The following LRATD1 variants were observed in gnomAD, a reference collection of about 807,000 sequenced individuals.
LRATD1 encodes the protein LRAT domain containing 1, also known as protein LRATD1.
Under a neutral mutation model 21.3 loss-of-function variants are expected in LRATD1, and 8 were observed. That is an observed-to-expected ratio of 0.38 (90% CI 0.22 to 0.68). The LOEUF is 0.68. Ranked by LOEUF, LRATD1 falls within the 30% of genes least tolerant of loss-of-function variation. The pLI is 0.54. For synonymous variants in LRATD1, 210 were observed against 186.2 expected, an observed-to-expected ratio of 1.13 and a Z score of -1.04; for missense variants, 380 against 404.0, an observed-to-expected ratio of 0.94 and a Z score of 0.51.
At chr2:14,646,460 T>C (rs1239732935) in exon 4 of LRATD1, 1 of 152,084 alleles carries the variant, frequency 6.6e-6, no homozygotes, top group Admixed American at 6.6e-5. Context: ...TAACCAGGGG[T>C]CCAAGGTAAT....
At chr2:14,651,679 G>A (rs544667499), downstream of LRATD1, among the ~76,000 whole-genome samples, 510 of 152,058 alleles carry the variant, frequency 3.4e-3, 3 homozygotes, top group African/African-American at 0.011. Flanking sequence ...AGTCATTTGC[G>A]TTTCTCTAAT....
At chr2:14,649,463 G>A (rs1393000261) in intron 5 of LRATD1, 3 of 434,116 alleles carry the variant, frequency 6.9e-6, no homozygotes, top group Non-Finnish European at 1.4e-5. Flanking sequence ...GGTAAGGTGA[G>A]AAGCAATTCC....
downstream of LRATD1, among the ~76,000 whole-genome samples, chr2:14,643,686 C>A (rs2103412595): frequency 6.6e-6 from 1 of 152,334 alleles, no homozygotes; most frequent in African/African-American, 2.4e-5. Flanking sequence ...TGAAGCTTCT[C>A]CTTTTCCTAC....
rs74742552 is a variant in LRATD1, at chr2:14,633,251, G to T, written c.-37+314G>T. On this transcript the variant is annotated intron_variant, in intron 1 of 1. Coordinates refer to ENST00000295092, the MANE Select transcript of LRATD1 (RefSeq NM_145175.4). The surrounding 1 kb of genome is among the most constrained non-coding windows in gnomAD (Gnocchi z 7.5). ...GGCAGGTGTGCCCGGGTGCTTGGGC[G>T]TACGTGCAACGGCGAGCGTGCAAGC... Among the ~76,000 whole-genome samples the T allele has an allele frequency of 0.078, 11,815 of 152,258 alleles. 544 individuals are homozygous for T. Among genetic ancestry groups the T allele is most frequent in the East Asian group, 0.2 (1,046 of 5,140 alleles).
Position 14,637,746 on chromosome 2 carries a change from G to A in LRATD1, c.*2888G>A, listed in dbSNP as rs762583545. 8 of 167,080 alleles carry A rather than the reference G, an allele frequency of 4.8e-5. No individual in the cohort carries two copies. The highest frequency in any genetic ancestry group is 8.8e-5 in the Non-Finnish European group (6 of 68,106). The allele number at this position is 167,080 out of a possible 1,614,324, so 10.3% of individuals were successfully genotyped here. ...TTTTAGGGCACTGTTAACAATGCGA[G>A]TGAAACCAAGATGGTGCAAGTTCCC... On this transcript the variant is annotated 3_prime_UTR_variant, in exon 2 of 2. Transcript: ENST00000295092.
Position 14,637,582 on chromosome 2 carries a change from C to A in LRATD1, c.*2724C>A, listed in dbSNP as rs1027958803. On this transcript the variant is annotated 3_prime_UTR_variant, in exon 2 of 2. Coordinates refer to ENST00000295092, the MANE Select transcript of LRATD1 (RefSeq NM_145175.4). ...AAGGTTTGCAAGGTTTCTCCTATCC[C>A]TGTTAAAATTATCATTTATTATCTC... The A allele has an allele frequency of 6.0e-6, 1 of 167,092 alleles. No individual in the cohort carries two copies. Among genetic ancestry groups the A allele is most frequent in the African/African-American group, 2.4e-5 (1 of 41,528 alleles). 10.4% of individuals were successfully genotyped at this position (167,092 alleles called of 1,614,324 possible). A position where few individuals can be genotyped will look rare whatever the true frequency, so the allele number is the denominator to read the frequency against.
rs1671622790 is a variant in LRATD1, at chr2:14,634,172, C to T, written c.193C>T (p.Pro65Ser). 4.3e-6 allele frequency: 7 copies of T among 1,613,432 alleles called. No homozygotes were observed. Among genetic ancestry groups the T allele is most frequent in the African/African-American group, 1.3e-5 (1 of 75,044 alleles). Residue 65 changes from proline (P) to serine (S), a missense_variant, in exon 2 of 2, where the codon CCG becomes TCG. Coordinates refer to ENST00000295092, the MANE Select transcript of LRATD1 (RefSeq NM_145175.4). ...GGCCCCCCCGGGTTGCACCCCCTGC[C>T]CGGAGAGCCCCAGCCGCCACCACCA... ...VKAPPGCTPC[P>S]ESPSRHHHHL...
rs1671643039 is a variant in LRATD1 at position 14,634,744 on chromosome 2, C to T, written c.765C>T (p.His255=). 1 of 1,571,622 alleles carries T rather than the reference C, an allele frequency of 6.4e-7. No individual in the cohort carries two copies. Among genetic ancestry groups the T allele is most frequent in the African/African-American group, 1.4e-5 (1 of 73,650 alleles). The part of the protein sequence containing the change: ...LKVHLGENKV[H]TARFHSLEDL... ...TGCACCTGGGAGAGAACAAGGTCCA[C>T]ACCGCCAGGTTTCACAGCCTGGAAG... is the stretch of plus-strand genomic sequence containing the variant. The change falls in exon 2 of 2, where the codon CAC becomes CAT. Residue 255 remains histidine (H), a synonymous_variant. Coordinates refer to ENST00000295092, the MANE Select transcript of LRATD1 (RefSeq NM_145175.4).
At chr2:14,646,279 A>G (rs1277101878) in intron 3 of LRATD1, 2 of 152,218 alleles carry the variant, frequency 1.3e-5, no homozygotes, top group Non-Finnish European at 2.9e-5. Context: ...ATTGTATAAC[A>G]CACACTAACC....
rs1196503500 is a variant in LRATD1 at position 14,635,932 on chromosome 2, A to C, written c.*1074A>C. The C allele has an allele frequency of 3.4e-6, 1 of 292,236 alleles. No homozygotes were observed. The highest frequency in any genetic ancestry group is 2.2e-5 in the African/African-American group (1 of 45,834). The allele number at this position is 292,236 out of a possible 1,614,324, so 18.1% of individuals were successfully genotyped here. ...GGGGAAGTGGAAATAAAGTTTTAAAAATGAGAGAGCAGTTTTCCAACTATG... is the reference window on the plus strand; with the variant it reads ...GGGGAAGTGGAAATAAAGTTTTAAACATGAGAGAGCAGTTTTCCAACTATG... On this transcript the variant is annotated 3_prime_UTR_variant, in exon 2 of 2. Coordinates refer to ENST00000295092, the MANE Select transcript of LRATD1 (RefSeq NM_145175.4).
At chr2:14,647,107 A>G (rs551617752) in intron 4 of LRATD1, among the ~76,000 whole-genome samples, 1 of 152,292 alleles carries the variant, frequency 6.6e-6, no homozygotes, top group South Asian at 2.1e-4. Flanking sequence ...CCTAACTCAC[A>G]ATGTTAGGAT....
Position 14,635,149 on chromosome 2 carries a change from CG to C in LRATD1, c.*294del, listed in dbSNP as rs1446310305. The C allele has an allele frequency of 1.5e-6, 1 of 679,478 alleles. No individual in the cohort carries two copies. The allele number at this position is 679,478 out of a possible 1,614,324, so 42.1% of individuals were successfully genotyped here. On this transcript the variant is annotated 3_prime_UTR_variant, in exon 2 of 2. Coordinates refer to ENST00000295092, the MANE Select transcript of LRATD1 (RefSeq NM_145175.4). ...TGCGCTTTCCCCTTGAGATGTAAAC[CG>C]GGAACGGGGAAGGGGCTGAGGGGAG... is the stretch of plus-strand genomic sequence containing the variant.
downstream of LRATD1, among the ~76,000 whole-genome samples, chr2:14,643,571 G>C (rs144967709): frequency 1.4e-4 from 21 of 152,304 alleles, no homozygotes; most frequent in East Asian, 4.1e-3. Flanking sequence ...CTTTGCTCAA[G>C]CTGTTTCACT....
chr2:14,647,719 T>C (rs541090781), intron 4 of LRATD1, among the ~76,000 whole-genome samples: 15 of 152,270 alleles, frequency 9.9e-5, no homozygotes, highest in South Asian at 4.1e-4. Flanking sequence ...AACTTGATCA[T>C]GCTGACACTG....
downstream of LRATD1, among the ~76,000 whole-genome samples, chr2:14,641,541 G>A (rs949069058): frequency 1.3e-5 from 2 of 151,978 alleles, no homozygotes; most frequent in African/African-American, 4.8e-5. Flanking sequence ...TTCCTCACCT[G>A]TCTCTACCCC....
chr2:14,648,454 A>G (rs1164872930), intron 4 of LRATD1, among the ~76,000 whole-genome samples: 2 of 152,204 alleles, frequency 1.3e-5, no homozygotes, highest in Admixed American at 1.3e-4. Context: ...AAAAGGAACT[A>G]TATATTCCAA....
chr2:14,637,703 CCT>C lies in LRATD1; in HGVS notation c.*2846_*2847del, dbSNP rs1671718201. The C allele has an allele frequency of 1.2e-5, 2 of 166,884 alleles. No individual in the cohort carries two copies. The highest frequency in any genetic ancestry group is 4.2e-4 in the South Asian group (2 of 4,814). The allele number at this position is 166,884 out of a possible 1,614,324, so 10.3% of individuals were successfully genotyped here. A position where few individuals can be genotyped will look rare whatever the true frequency, so the allele number is the denominator to read the frequency against. ...TCAAGATATTACCTAATGGTTTTAT[CCT>C]GAAAAAGGTGTATACTTTTAGGGCA... On this transcript the variant is annotated 3_prime_UTR_variant, in exon 2 of 2. Transcript: ENST00000295092.
chr2:14,635,740 C>A lies in LRATD1; in HGVS notation c.*882C>A. 2.5e-6 allele frequency: 1 copy of A among 394,916 alleles called. No individual in the cohort carries two copies. Among genetic ancestry groups the A allele is most frequent in the Non-Finnish European group, 5.2e-6 (1 of 190,702 alleles). The allele number at this position is 394,916 out of a possible 1,614,324, so 24.5% of individuals were successfully genotyped here. On this transcript the variant is annotated 3_prime_UTR_variant, in exon 2 of 2. Transcript: ENST00000295092. ...TGAAGGGCGCTTATTGTTCTGAACC[C>A]TTGATTGCTCCCTCCTCGGGCTGCA...
rs1424696104 is a variant in LRATD1 at position 14,636,898 on chromosome 2, CT to C, written c.*2041del. On this transcript the variant is annotated 3_prime_UTR_variant, in exon 2 of 2. Transcript: ENST00000295092. ...TTGGTTTTCATCCTGGATTCATCCC[CT>C]GATCTTAAATCAAAACGTCAGATCA... 3.0e-5 allele frequency: 5 copies of C among 166,864 alleles called. No homozygotes were observed. Among genetic ancestry groups the C allele is most frequent in the African/African-American group, 1.2e-4 (5 of 41,412 alleles). 10.3% of individuals were successfully genotyped at this position (166,864 alleles called of 1,614,324 possible). A position where few individuals can be genotyped will look rare whatever the true frequency, so the allele number is the denominator to read the frequency against.
Sources: gnomAD v4.1 joint callset for allele counts (sites outside exome capture counted in the v4.1 genomes callset) on GRCh38, gnomAD v4.1.1 for gene constraint, Gnocchi (gnomAD v3.1) non-coding constraint, MANE v1.5 for transcripts, NCBI Gene and HGNC (gene_info 2026-07-23, HGNC 2026-07-21) for gene names.